Variants in CDK8 observed in about 807,000 individuals in gnomAD.
The protein encoded by CDK8 is cyclin-dependent kinase 8.
CDK8 carries 29 observed loss-of-function variants against 71.5 expected under a neutral mutation model. The observed-to-expected ratio is 0.41, with a 90% CI of 0.30 to 0.55. The LOEUF (loss-of-function observed/expected upper bound fraction) is 0.55. CDK8 is among the 20% of genes least tolerant of loss of function. The pLI, the probability that CDK8 is intolerant of heterozygous loss-of-function variation, is 0.37. For synonymous variants in CDK8, 161 were observed against 192.1 expected, an observed-to-expected ratio of 0.84 and a Z score of 1.34; for missense variants, 288 against 572.6, an observed-to-expected ratio of 0.50 and a Z score of 5.07.
intron 2 of CDK8, among the ~76,000 whole-genome samples, chr13:26,341,594 C>A (rs1440666400): frequency 6.6e-6 from 1 of 152,032 alleles, no homozygotes; most frequent in East Asian, 1.9e-4. Flanking sequence ...TTTATCTTTG[C>A]TATATTATGA....
chr13:26,297,498 G>A (rs564832689), intron 1 of CDK8, among the ~76,000 whole-genome samples: 5 of 152,160 alleles, frequency 3.3e-5, no homozygotes, highest in African/African-American at 7.2e-5. Context: ...GCTGAGAATC[G>A]TCAACTTCAG....
intron 3 of CDK8, among the ~76,000 whole-genome samples, chr13:26,352,380 T>C (rs1873717951): frequency 6.6e-6 from 1 of 152,104 alleles, no homozygotes; most frequent in Non-Finnish European, 1.5e-5. Flanking sequence ...CACTCCCGGC[T>C]AATTTTTTGT....
rs1300088958 is a variant in CDK8, at chr13:26,366,378, TA to T, written c.456+12499del. On this transcript the variant is annotated intron_variant, in intron 4 of 12. Coordinates refer to ENST00000381527, the MANE Select transcript of CDK8 (RefSeq NM_001260.3). Reference sequence around the variant, plus strand: ...AAATTTTGTTTGAATCAACATACAATATTTTTTTTAAGATTTAATACAATGA... The same window carrying T: ...AAATTTTGTTTGAATCAACATACAATTTTTTTTTAAGATTTAATACAATGA... Among the ~76,000 whole-genome samples, 4 of 152,258 alleles carry T rather than the reference TA, an allele frequency of 2.6e-5. No individual in the cohort carries two copies. In the East Asian group the frequency reaches 5.8e-4, roughly 22 times the overall value.
Position 26,254,535 on chromosome 13 carries a change from C to A in CDK8, c.-107C>A. ...TCGGGCTGGTGCTGCGGCCGGCGGG[C>A]GTAGAGCGGGCGGGTTCCCGGGGGC... On this transcript the variant is annotated 5_prime_UTR_variant, in exon 1 of 13. Coordinates refer to ENST00000381527, the MANE Select transcript of CDK8 (RefSeq NM_001260.3). This position sits in a 1 kb window ranked among gnomAD's most constrained non-coding sequence, Gnocchi z 6.7. 1 of 898,942 alleles carries A rather than the reference C, an allele frequency of 1.1e-6. No homozygotes were observed. The highest frequency in any genetic ancestry group is 1.7e-6 in the Non-Finnish European group (1 of 601,612). The allele number at this position is 898,942 out of a possible 1,614,324, so 55.7% of individuals were successfully genotyped here. A position where few individuals can be genotyped will look rare whatever the true frequency, so the allele number is the denominator to read the frequency against.
intron 4 of CDK8, among the ~76,000 whole-genome samples, chr13:26,378,919 A>T (rs1875083939): frequency 1.3e-5 from 2 of 152,226 alleles, no homozygotes; most frequent in African/African-American, 2.4e-5. Flanking sequence ...TGCATTAAGT[A>T]CTAAAACAAA....
intron 1 of CDK8, among the ~76,000 whole-genome samples, chr13:26,298,733 C>A (rs1291678136): frequency 2.0e-5 from 3 of 152,136 alleles, no homozygotes; most frequent in African/African-American, 7.2e-5. Context: ...GTCTGTGTTC[C>A]ACCTTTACTG....
chr13:26,273,259 G>C (rs1475265008), intron 1 of CDK8, among the ~76,000 whole-genome samples: 1 of 152,066 alleles, frequency 6.6e-6, no homozygotes, highest in East Asian at 1.9e-4. Flanking sequence ...TCCTTAAGCT[G>C]GTACTACACT....
In CDK8 at chr13:26,384,303, AATG is replaced by A. The variant is rs368975087; in HGVS notation, c.515-907_515-905del. ...TATAGTAAGGCCTACTTCATTAAAA[AATG>A]TGTATTAGGAAAATAGAACTAAACT... On this transcript the variant is annotated intron_variant, in intron 5 of 12. Coordinates refer to ENST00000381527, the MANE Select transcript of CDK8 (RefSeq NM_001260.3). Among the ~76,000 whole-genome samples the A allele has an allele frequency of 4.4e-3, 673 of 152,234 alleles. 5 individuals are homozygous for A. The highest frequency in any genetic ancestry group is 0.015 in the African/African-American group (636 of 41,552).
chr13:26,397,927 C>G (rs556552781), intron 9 of CDK8, among the ~76,000 whole-genome samples: 3 of 152,242 alleles, frequency 2.0e-5, no homozygotes, highest in South Asian at 2.1e-4. Flanking sequence ...TTTGGGGAAG[C>G]AGGTTGTATT....
At chr13:26,298,325 T>C (rs1202445110) in intron 1 of CDK8, among the ~76,000 whole-genome samples, 1 of 152,042 alleles carries the variant, frequency 6.6e-6, no homozygotes, top group Non-Finnish European at 1.5e-5. Context: ...ATTGATCTCA[T>C]TGTTATTAAA....
intron 4 of CDK8, among the ~76,000 whole-genome samples, chr13:26,374,611 A>T: frequency 6.8e-6 from 1 of 146,594 alleles, no homozygotes; most frequent in East Asian, 1.9e-4. Flanking sequence ...ATATACCTTT[A>T]CTATCTAGAA....
chr13:26,400,233 TAAGC>T (rs1316825120), intron 9 of CDK8: 13 of 494,216 alleles, frequency 2.6e-5, no homozygotes, highest in South Asian at 5.1e-5. Flanking sequence ...TCAGAGAACA[TAAGC>T]AAGAGTAAAA....
chr13:26,389,411 C>T (rs945872868), intron 6 of CDK8, among the ~76,000 whole-genome samples: 2 of 151,952 alleles, frequency 1.3e-5, no homozygotes, highest in African/African-American at 4.8e-5. Flanking sequence ...CCGCCTGCCT[C>T]GGCCTCCCAA....
At chr13:26,312,755 T>G (rs569151465) in intron 1 of CDK8, among the ~76,000 whole-genome samples, 5 of 152,330 alleles carry the variant, frequency 3.3e-5, no homozygotes, top group Admixed American at 6.5e-5. Context: ...GGTCTGCTCC[T>G]CCTTGTGTGC....
intron 4 of CDK8, among the ~76,000 whole-genome samples, chr13:26,367,564 G>A (rs1874450109): frequency 6.6e-6 from 1 of 151,982 alleles, no homozygotes; most frequent in Non-Finnish European, 1.5e-5. Context: ...TTTTCCTTTG[G>A]GTAGAGATTG....
intron 1 of CDK8, among the ~76,000 whole-genome samples, chr13:26,294,500 G>GT (rs1318006088): frequency 6.6e-6 from 1 of 152,148 alleles, no homozygotes; most frequent in Non-Finnish European, 1.5e-5. Context: ...CCTCCATACT[G>GT]TTTTTTAAAT....
At chr13:26,259,959 C>G (rs1871699614) in intron 1 of CDK8, among the ~76,000 whole-genome samples, 1 of 152,014 alleles carries the variant, frequency 6.6e-6, no homozygotes. Context: ...TATATGGCAA[C>G]ACAGAGAAGG....
At chr13:26,394,115 C>T (rs1308277210) in intron 7 of CDK8, among the ~76,000 whole-genome samples, 1 of 152,158 alleles carries the variant, frequency 6.6e-6, no homozygotes, top group African/African-American at 2.4e-5. Flanking sequence ...AACTGTATCT[C>T]AATCCCTAGT....
At chr13:26,359,864 T>G (rs1010785329) in intron 4 of CDK8, 20 of 222,790 alleles carry the variant, frequency 9.0e-5, no homozygotes, top group African/African-American at 4.7e-4. Context: ...TACAGGCGTG[T>G]ACCACCACAT....
Sources: allele counts gnomAD v4.1 joint callset (sites outside exome capture counted in the v4.1 genomes callset), GRCh38; gene constraint gnomAD v4.1.1; non-coding constraint Gnocchi (gnomAD v3.1); transcripts MANE v1.5; gene names NCBI Gene and HGNC (gene_info 2026-07-23, HGNC 2026-07-21).